SYT1: variants seen among roughly 807,000 people sequenced by gnomAD.
SYT1 encodes synaptotagmin-1.
Under a neutral mutation model 44.8 loss-of-function variants are expected in SYT1, and 8 were observed. The observed-to-expected ratio is 0.18, with a 90% CI of 0.10 to 0.32. The LOEUF is 0.32. Ranked by LOEUF, SYT1 falls within the 10% of genes least tolerant of loss-of-function variation. The probability of loss-of-function intolerance (pLI) is 1.00; values close to 1 mark genes in which losing one functional copy is unlikely to be tolerated. For synonymous variants in SYT1, 154 were observed against 188.8 expected, an observed-to-expected ratio of 0.82 and a Z score of 1.51; for missense variants, 286 against 509.3, an observed-to-expected ratio of 0.56 and a Z score of 4.22.
intron 9 of SYT1, among the ~76,000 whole-genome samples, chr12:79,371,319 C>A (rs1332861568): frequency 6.6e-6 from 1 of 152,046 alleles, no homozygotes; most frequent in Admixed American, 6.6e-5. Context: ...GGCCATAATC[C>A]CCAAATCATA....
chr12:78,993,570 CT>C (rs1223830217), intron 2 of SYT1, among the ~76,000 whole-genome samples: 1 of 152,176 alleles, frequency 6.6e-6, no homozygotes, highest in African/African-American at 2.4e-5. Flanking sequence ...TCCATAGAAT[CT>C]TTCTTCTGGA....
intron 2 of SYT1, among the ~76,000 whole-genome samples, chr12:79,035,949 C>CAA (rs5799409): frequency 3.9e-5 from 5 of 128,344 alleles, no homozygotes; most frequent in East Asian, 2.3e-4. Context: ...AACAAACAAA[C>CAA]AAAAAAAAAA....
intron 1 of SYT1, among the ~76,000 whole-genome samples, chr12:78,974,824 C>T (rs1868697275): frequency 6.6e-6 from 1 of 151,786 alleles, no homozygotes; most frequent in African/African-American, 2.4e-5. Flanking sequence ...CATATCCTAC[C>T]CCTCTTCATT....
At chr12:79,258,313 A>G (rs1031949338) in intron 4 of SYT1, among the ~76,000 whole-genome samples, 2 of 152,208 alleles carry the variant, frequency 1.3e-5, no homozygotes, top group African/African-American at 4.8e-5. Context: ...TGACTTTCAA[A>G]CAGTTCAAAG....
chr12:79,061,593 A>C (rs1396791706), intron 3 of SYT1, among the ~76,000 whole-genome samples: 3 of 152,140 alleles, frequency 2.0e-5, no homozygotes, highest in Non-Finnish European at 2.9e-5. Flanking sequence ...TTTATATTAT[A>C]CTGGAATGGA....
intron 1 of SYT1, among the ~76,000 whole-genome samples, chr12:78,941,055 CTTTTTTTTTCTTTTTTT>C (rs1878328485): frequency 1.2e-5 from 1 of 86,020 alleles, no homozygotes; most frequent in African/African-American, 3.3e-5. Flanking sequence ...CTTTTTTTTT[CTTTTTTTTTCTTTTTTT>C]TTTTTTTTTT....
At chr12:79,297,830 T>C (rs920273523) in intron 7 of SYT1, among the ~76,000 whole-genome samples, 3 of 152,290 alleles carry the variant, frequency 2.0e-5, no homozygotes, top group Admixed American at 1.3e-4. Context: ...TTACAATGGA[T>C]TTAAATCACT....
At chr12:79,403,212 A>G (rs1885130476) in intron 9 of SYT1, among the ~76,000 whole-genome samples, 2 of 152,206 alleles carry the variant, frequency 1.3e-5, no homozygotes, top group African/African-American at 4.8e-5. Flanking sequence ...AAGACCTTCT[A>G]TTATACAGGA....
At chr12:79,335,108 G>A (rs1382076838) in intron 8 of SYT1, among the ~76,000 whole-genome samples, 2 of 152,024 alleles carry the variant, frequency 1.3e-5, no homozygotes, top group East Asian at 1.9e-4. Context: ...TTATAGTAAA[G>A]TGCTTGTGCT....
intron 9 of SYT1, among the ~76,000 whole-genome samples, chr12:79,372,398 G>A (rs1419545635): frequency 6.6e-6 from 1 of 152,200 alleles, no homozygotes; most frequent in Non-Finnish European, 1.5e-5. Context: ...AAGTTATCCA[G>A]ATTATATTTA....
chr12:79,145,736 GGTT>G (rs148674538), intron 3 of SYT1, among the ~76,000 whole-genome samples: 89 of 145,816 alleles, frequency 6.1e-4, no homozygotes, highest in Admixed American at 8.8e-4. Context: ...TAAACATAGT[GGTT>G]TTTTTTTTTT....
intron 2 of SYT1, among the ~76,000 whole-genome samples, chr12:79,023,503 A>G (rs997122123): frequency 1.4e-4 from 21 of 151,824 alleles, no homozygotes; most frequent in Non-Finnish European, 5.9e-5. Context: ...ATGCATTGGG[A>G]GCTTCATTGA....
chr12:79,369,666 A>G (rs1593007371), intron 9 of SYT1, among the ~76,000 whole-genome samples: 1 of 152,322 alleles, frequency 6.6e-6, no homozygotes, highest in East Asian at 1.9e-4. Context: ...TCTCAAGCCA[A>G]ATTACATACA....
chr12:79,110,751 T>A (rs1252427498), intron 3 of SYT1, among the ~76,000 whole-genome samples: 3 of 152,118 alleles, frequency 2.0e-5, no homozygotes, highest in Non-Finnish European at 2.9e-5. Flanking sequence ...TAAATAGAAG[T>A]GCATGGAAAG....
At chr12:79,331,430 T>C (rs1881850781) in intron 8 of SYT1, among the ~76,000 whole-genome samples, 1 of 152,194 alleles carries the variant, frequency 6.6e-6, no homozygotes, top group Admixed American at 6.5e-5. Context: ...ATATACTCTT[T>C]TCAGCTTTAA....
At chr12:78,870,936 A>G (rs1873791604) in intron 1 of SYT1, among the ~76,000 whole-genome samples, 1 of 152,062 alleles carries the variant, frequency 6.6e-6, no homozygotes, top group African/African-American at 2.4e-5. Flanking sequence ...TTAAAATGCG[A>G]TACTGAATCT....
intron 8 of SYT1, among the ~76,000 whole-genome samples, chr12:79,347,619 A>T (rs1882668149): frequency 6.6e-6 from 1 of 152,136 alleles, no homozygotes; most frequent in African/African-American, 2.4e-5. Context: ...ACATATGACA[A>T]ATGAAGATGC....
Position 79,451,091 on chromosome 12 carries a change from C to T in SYT1, c.*1967C>T, listed in dbSNP as rs1256713533. ...GAATTCAAAAAGGGCTGATGGTAGG[C>T]TTTGAACATGGGGTTGGCTGTTTCC... On this transcript the variant is annotated 3_prime_UTR_variant, in exon 11 of 11. Transcript: ENST00000261205. 1.3e-5 allele frequency: 2 copies of T among 152,206 alleles called. No individual in the cohort carries two copies. Among genetic ancestry groups the T allele is most frequent in the African/African-American group, 4.8e-5 (2 of 41,454 alleles). The allele number at this position is 152,206 out of a possible 1,614,324, so 9.4% of individuals were successfully genotyped here.
At chr12:79,262,256 C>T (rs935981122) in intron 4 of SYT1, among the ~76,000 whole-genome samples, 1 of 152,072 alleles carries the variant, frequency 6.6e-6, no homozygotes, top group African/African-American at 2.4e-5. Context: ...GGACTTTTCT[C>T]TAGAAAATTA....
Sources: gnomAD v4.1 joint callset for allele counts (sites outside exome capture counted in the v4.1 genomes callset) on GRCh38, gnomAD v4.1.1 for gene constraint, MANE v1.5 for transcripts, NCBI Gene and HGNC (gene_info 2026-07-23, HGNC 2026-07-21) for gene names.